FAM107A: variants seen among roughly 807,000 people sequenced by gnomAD.
FAM107A encodes the protein actin-associated protein FAM107A.
A neutral mutation model predicts 13.7 loss-of-function variants in FAM107A; 19 were observed. That is an observed-to-expected ratio of 1.38 (90% CI 0.97 to 2.03). FAM107A has a LOEUF of 2.03. Among genes scored for constraint, FAM107A ranks in the 30% most tolerant of loss-of-function variants. FAM107A has a pLI of 0.00. For synonymous variants in FAM107A, 82 were observed against 74.5 expected, an observed-to-expected ratio of 1.10 and a Z score of -0.52; for missense variants, 203 against 184.4, an observed-to-expected ratio of 1.10 and a Z score of -0.58.
chr3:58,572,655 G>A (rs1183935055), intron 1 of FAM107A: 1 of 142,108 alleles, frequency 7.0e-6, no homozygotes, highest in African/African-American at 2.5e-5. Context: ...TCTCGCTGCT[G>A]TGTGGGGAAA....
chr3:58,572,384 A>T (rs142139956), intron 1 of FAM107A, among the ~76,000 whole-genome samples: 1 of 152,312 alleles, frequency 6.6e-6, no homozygotes, highest in Non-Finnish European at 1.5e-5. Context: ...ACCCGCTGTC[A>T]GCCAGGTGTG....
At chr3:58,616,653 G>C (rs2065904604) in intron 1 of FAM107A, among the ~76,000 whole-genome samples, 1 of 151,820 alleles carries the variant, frequency 6.6e-6, no homozygotes, top group Admixed American at 6.6e-5. Flanking sequence ...ACCACCAAAA[G>C]CTAAGAGAAG....
Position 58,569,770 on chromosome 3 carries a change from G to T in FAM107A, c.91C>A (p.Pro31Thr). The T allele has an allele frequency of 6.2e-7, 1 of 1,614,058 alleles. No homozygotes were observed. ...YREWNPELIKPKKLLNPVKAS... is the reference protein window; with the variant it reads ...YREWNPELIKTKKLLNPVKAS... ...TTCACGGGGTTCAGCAGCTTCTTGGGCTTGATGAGCTCCGGATTCCACTCT... is the reference window on the plus strand; with the variant it reads ...TTCACGGGGTTCAGCAGCTTCTTGGTCTTGATGAGCTCCGGATTCCACTCT... Residue 31 changes from proline to threonine, a missense_variant, in exon 2 of 4, where the codon CCC (proline) becomes ACC (threonine). Pro to Thr is a conservative substitution (Grantham distance 38, BLOSUM62 -1). Transcript: ENST00000360997. The surrounding 1 kb of genome is among the most constrained non-coding windows in gnomAD (Gnocchi z 5.7).
chr3:58,592,236 T>C (rs1575448772), intron 1 of FAM107A, among the ~76,000 whole-genome samples: 1 of 152,260 alleles, frequency 6.6e-6, no homozygotes, highest in Non-Finnish European at 1.5e-5. Flanking sequence ...CCAGAAGGGA[T>C]CTAAGCTGCT....
chr3:58,611,389 G>A (rs1243827468), intron 1 of FAM107A, among the ~76,000 whole-genome samples: 2 of 152,308 alleles, frequency 1.3e-5, no homozygotes, highest in Non-Finnish European at 2.9e-5. Context: ...TGAACAGGTG[G>A]GGGTGTCACT....
At chr3:58,606,440 A>G (rs990311848) in intron 1 of FAM107A, among the ~76,000 whole-genome samples, 4 of 152,164 alleles carry the variant, frequency 2.6e-5, no homozygotes, top group Non-Finnish European at 5.9e-5. Flanking sequence ...TCTTCCTAGA[A>G]CACTTTCGCT....
chr3:58,574,587 G>A (rs538538699), intron 1 of FAM107A, among the ~76,000 whole-genome samples: 12 of 152,354 alleles, frequency 7.9e-5, no homozygotes, highest in African/African-American at 2.9e-4. Flanking sequence ...GTGATGCTGT[G>A]AAGATTGGAT....
chr3:58,619,087 A>T (rs1028414419), intron 1 of FAM107A, among the ~76,000 whole-genome samples: 2 of 152,052 alleles, frequency 1.3e-5, no homozygotes, highest in Admixed American at 1.3e-4. Flanking sequence ...TGCAGCCTTG[A>T]CCTCCTGGGC....
chr3:58,570,583 C>CAGAGAGAGAGAG (rs371909507), intron 1 of FAM107A, among the ~76,000 whole-genome samples: 46 of 91,074 alleles, frequency 5.1e-4, no homozygotes, highest in Non-Finnish European at 7.6e-4. Flanking sequence ...GCAAATACAG[C>CAGAGAGAGAGAG]AGAGAGAGAG....
In FAM107A at chr3:58,599,696, A is replaced by ATTTTTTTTTT. The variant is rs57244654; in HGVS notation, c.-69-10437_-69-10428dup. Among the ~76,000 whole-genome samples, 361 of 78,508 alleles carry ATTTTTTTTTT rather than the reference A, an allele frequency of 4.6e-3. 87 individuals are homozygous for ATTTTTTTTTT. Among genetic ancestry groups the ATTTTTTTTTT allele is most frequent in the Middle Eastern group, 7.9e-3 (1 of 126 alleles). 51.5% of individuals were successfully genotyped at this position (78,508 alleles called of 152,430 possible). A position where few individuals can be genotyped will look rare whatever the true frequency, so the allele number is the denominator to read the frequency against. On this transcript the variant is annotated intron_variant, in intron 1 of 3. Coordinates refer to the FAM107A transcript ENST00000465970. ...GTGGTATACTTAAAACAAGTGCACC[A>ATTTTTTTTTT]TTTTTTTTTTTTTTTTTTTTTTTTT...
At chr3:58,572,056 A>C (rs1296994240) in intron 1 of FAM107A, among the ~76,000 whole-genome samples, 6 of 152,248 alleles carry the variant, frequency 3.9e-5, no homozygotes, top group African/African-American at 1.4e-4. Context: ...ACAGAAACGC[A>C]TTTGAAACTG....
chr3:58,605,487 T>C (rs1427465987), intron 1 of FAM107A, among the ~76,000 whole-genome samples: 1 of 152,224 alleles, frequency 6.6e-6, no homozygotes, highest in Admixed American at 6.5e-5. Flanking sequence ...TACCATGTTC[T>C]GTTTGGGCTC....
intron 1 of FAM107A, among the ~76,000 whole-genome samples, chr3:58,619,919 C>G (rs1310853308): frequency 6.6e-6 from 1 of 151,922 alleles, no homozygotes; most frequent in Admixed American, 6.6e-5. Context: ...TGGATCAGAG[C>G]CTTAGAGACA....
intron 1 of FAM107A, among the ~76,000 whole-genome samples, chr3:58,570,655 A>AG (rs1324894305): frequency 3.3e-5 from 5 of 150,260 alleles, no homozygotes; most frequent in Admixed American, 6.7e-5. Flanking sequence ...GACTTAAAAA[A>AG]AAAAAGGCCT....
intron 1 of FAM107A, among the ~76,000 whole-genome samples, chr3:58,585,820 C>T (rs914413513): frequency 2.0e-5 from 3 of 152,132 alleles, no homozygotes; most frequent in Non-Finnish European, 2.9e-5. Flanking sequence ...CTCTTTTTTT[C>T]CCCCCTACAT....
At chr3:58,627,393 CG>C (rs1456695857) in intron 1 of FAM107A, 1 of 204,852 alleles carries the variant, frequency 4.9e-6, no homozygotes, top group Admixed American at 5.6e-5. Context: ...CCTGGCCCAG[CG>C]GGCAGGACTT....
intron 1 of FAM107A, among the ~76,000 whole-genome samples, chr3:58,595,132 A>AC (rs1037021595): frequency 3.3e-5 from 5 of 149,694 alleles, no homozygotes; most frequent in South Asian, 2.1e-4. Flanking sequence ...AGGTTCCCAC[A>AC]CCCCCCCAGT....
At chr3:58,583,062 G>A (rs111316273) in intron 1 of FAM107A, among the ~76,000 whole-genome samples, 1,756 of 152,296 alleles carry the variant, frequency 0.012, 31 homozygotes, top group African/African-American at 0.039. Context: ...GCCTCGCAGA[G>A]CGTTGGGATT....
intron 2 of FAM107A, 45 bp from the exon 3 acceptor site, chr3:58,567,409 G>C (rs370930874): frequency 6.4e-7 from 1 of 1,567,226 alleles, no homozygotes; most frequent in Non-Finnish European, 8.7e-7. Flanking sequence ...TCACCTTCCC[G>C]CTTCCCCCAG....
Sources: gnomAD v4.1 joint callset for allele counts (sites outside exome capture counted in the v4.1 genomes callset) on GRCh38, gnomAD v4.1.1 for gene constraint, Gnocchi (gnomAD v3.1) non-coding constraint, MANE v1.5 for transcripts, NCBI Gene and HGNC (gene_info 2026-07-23, HGNC 2026-07-21) for gene names.